UBAP2: variants seen among roughly 807,000 people sequenced by gnomAD.
UBAP2 encodes ubiquitin associated protein 2, also known as ubiquitin-associated protein 2.
Under a neutral mutation model 139.6 loss-of-function variants are expected in UBAP2, and 75 were observed. The ratio of observed to expected loss-of-function variants is 0.54; its 90% CI spans 0.45 to 0.65. The LOEUF is 0.65. Ranked by LOEUF, UBAP2 falls within the 30% of genes least tolerant of loss-of-function variation. UBAP2 has a pLI of 0.00. For missense variants in UBAP2, 1,368 were observed against 1,369.6 expected (o/e 1.00, Z 0.02); for synonymous variants, 526 against 526.2 (o/e 1.00, Z 0.01).
chr9:34,048,537 G>A (rs1382128835), intron 1 of UBAP2, among the ~76,000 whole-genome samples: 1 of 152,194 alleles, frequency 6.6e-6, no homozygotes, highest in Non-Finnish European at 1.5e-5. Context: ...ACCCGAAAGG[G>A]GGGAGGGGAG....
At chr9:33,939,004 A>T (rs1824845924) in intron 16 of UBAP2, 1 of 403,494 alleles carries the variant, frequency 2.5e-6, no homozygotes, top group African/African-American at 2.1e-5. Flanking sequence ...GACAAGGGAC[A>T]CAAATATTTT....
chr9:34,045,540 A>G (rs1427988396), intron 1 of UBAP2, among the ~76,000 whole-genome samples: 1 of 151,850 alleles, frequency 6.6e-6, no homozygotes, highest in Admixed American at 6.6e-5. Context: ...CACCAGGCTC[A>G]TTTTTGTATT....
At position 33,989,065 on chromosome 9, in the gene UBAP2, T is replaced by C. The variant is rs963753251; in HGVS notation, c.350A>G (p.Lys117Arg). ...KNFAKENSEN[K>R]ENREKKSEKE... is the part of the protein sequence containing the mutation. The stretch of plus-strand genomic sequence containing the variant: ...CTCGCTTTTCTTCTCTCTATTCTCT[T>C]TGTTTTCTGAATTTTCTTTTGCAAA... The change falls in exon 5 of 29, where the codon AAA (lysine) becomes AGA (arginine). Residue 117 changes from lysine to arginine, a missense_variant. Physicochemically the swap from Lys to Arg is conservative, Grantham distance 26. Transcript: ENST00000379238. The C allele has an allele frequency of 8.1e-6, 13 of 1,614,060 alleles. No individual in the cohort carries two copies. In the Middle Eastern group the frequency reaches 6.6e-4, roughly 82 times the overall value.
At chr9:34,011,184 G>A (rs1313429228) in intron 2 of UBAP2, among the ~76,000 whole-genome samples, 1 of 152,106 alleles carries the variant, frequency 6.6e-6, no homozygotes, top group Non-Finnish European at 1.5e-5. Flanking sequence ...GCTGTAGGGG[G>A]CAGTCTGGGG....
intron 3 of UBAP2, chr9:33,998,584 A>G: frequency 2.0e-6 from 1 of 510,876 alleles, no homozygotes; most frequent in South Asian, 2.6e-5. Flanking sequence ...TTATATTGTA[A>G]GGCAGGTGAA....
intron 2 of UBAP2, among the ~76,000 whole-genome samples, chr9:34,010,407 A>G (rs1477939523): frequency 2.8e-5 from 4 of 142,616 alleles, no homozygotes; most frequent in African/African-American, 1.0e-4. Flanking sequence ...CTAGGCAACA[A>G]GGGCAGAAAC....
chr9:34,021,220 C>T (rs558712308), intron 1 of UBAP2, among the ~76,000 whole-genome samples: 2 of 152,288 alleles, frequency 1.3e-5, no homozygotes, highest in African/African-American at 4.8e-5. Flanking sequence ...TCTGTGTTAG[C>T]TGCACTAATA....
intron 13 of UBAP2, among the ~76,000 whole-genome samples, chr9:33,947,921 A>G (rs1478252822): frequency 6.6e-6 from 1 of 151,316 alleles, no homozygotes; most frequent in South Asian, 2.1e-4. Context: ...GCTGAGATTA[A>G]AAGACTGCTT....
chr9:33,957,031 G>A (rs1295217265), intron 10 of UBAP2, among the ~76,000 whole-genome samples: 1 of 151,356 alleles, frequency 6.6e-6, no homozygotes, highest in Non-Finnish European at 1.5e-5. Context: ...TGAGGCTGCC[G>A]TGAGCCATGA....
At chr9:34,016,659 G>A (rs539680721) in intron 2 of UBAP2, among the ~76,000 whole-genome samples, 9 of 151,568 alleles carry the variant, frequency 5.9e-5, no homozygotes, top group African/African-American at 1.9e-4. Context: ...GAGTTCAAGC[G>A]ATTCTCCTGC....
chr9:33,962,686 A>AATT (rs781003730), intron 9 of UBAP2, among the ~76,000 whole-genome samples: 1 of 150,470 alleles, frequency 6.6e-6, no homozygotes, highest in Non-Finnish European at 1.5e-5. Context: ...ATAAATAATT[A>AATT]AAAAATAGGG....
At chr9:33,982,668 C>G (rs1179083115) in intron 6 of UBAP2, among the ~76,000 whole-genome samples, 1 of 152,104 alleles carries the variant, frequency 6.6e-6, no homozygotes, top group Non-Finnish European at 1.5e-5. Flanking sequence ...CACCATACCC[C>G]CTGCAGAATT....
chr9:34,022,858 T>C (rs1825082244), intron 1 of UBAP2, among the ~76,000 whole-genome samples: 1 of 152,214 alleles, frequency 6.6e-6, no homozygotes, highest in Non-Finnish European at 1.5e-5. Flanking sequence ...GTGAGTAGTT[T>C]ACTCATAGAT....
chr9:33,963,783 A>G lies in UBAP2; in HGVS notation c.688T>C (p.Ser230Pro). ...NGADEGTELA[S>P]NTHNIAQDLS... ...TCCTGAGCTATGTTGTGAGTATTTG[A>G]TGCCAGTTCTGTGGACCAATGTAAA... The change falls in exon 9 of 29, where the codon TCA becomes CCA. Residue 230 changes from serine (S) to proline (P), a missense_variant. Physicochemically the swap from Ser to Pro is moderately conservative, Grantham distance 74. Transcript: ENST00000379238. 6.2e-7 allele frequency: 1 copy of G among 1,612,062 alleles called. No homozygotes were observed. The highest frequency in any genetic ancestry group is 8.5e-7 in the Non-Finnish European group (1 of 1,178,396).
At chr9:34,031,803 A>G (rs1825914999) in intron 1 of UBAP2, among the ~76,000 whole-genome samples, 1 of 150,378 alleles carries the variant, frequency 6.6e-6, no homozygotes, top group Non-Finnish European at 1.5e-5. Context: ...AAAAAAAAAA[A>G]GAAAGAAAAA....
chr9:33,954,778 A>G (rs1826411332), intron 11 of UBAP2, among the ~76,000 whole-genome samples: 1 of 152,176 alleles, frequency 6.6e-6, no homozygotes, highest in Non-Finnish European at 1.5e-5. Flanking sequence ...ATCTCAAAAC[A>G]ATATACTATA....
In UBAP2 at chr9:33,991,296, G is replaced by C. The variant is rs565197223; in HGVS notation, c.289-2170C>G. On this transcript the variant is annotated intron_variant, in intron 4 of 28. Transcript: ENST00000379238. ...AGCCTGGGTGACAGAGCGAGACTCT[G>C]TATCAAAAATAATAATAATAATAAC... Among the ~76,000 whole-genome samples, 4 of 129,448 alleles carry C rather than the reference G, an allele frequency of 3.1e-5. No homozygotes were observed. The South Asian group carries it at 6.9e-4, about 22-fold the overall frequency. 84.9% of individuals were successfully genotyped at this position (129,448 alleles called of 152,430 possible). A position where few individuals can be genotyped will look rare whatever the true frequency, so the allele number is the denominator to read the frequency against.
intron 15 of UBAP2, 150 bp downstream of exon 15, chr9:33,943,270 T>A: frequency 1.5e-6 from 1 of 667,072 alleles, no homozygotes; most frequent in Non-Finnish European, 2.3e-6. Flanking sequence ...AAACTGAGAC[T>A]GTCTGCTACA....
At chr9:33,964,479 C>T (rs1034447235) in intron 8 of UBAP2, among the ~76,000 whole-genome samples, 1 of 152,170 alleles carries the variant, frequency 6.6e-6, no homozygotes, top group Non-Finnish European at 1.5e-5. Flanking sequence ...TGCTTCAACA[C>T]TTGCACAACA....
Sources: gnomAD v4.1 joint callset for allele counts (sites outside exome capture counted in the v4.1 genomes callset) on GRCh38, gnomAD v4.1.1 for gene constraint, MANE v1.5 for transcripts, NCBI Gene and HGNC (gene_info 2026-07-23, HGNC 2026-07-21) for gene names.